ARHGAP32: variants seen among roughly 807,000 people sequenced by gnomAD.
ARHGAP32 encodes Rho GTPase activating protein 32.
In ARHGAP32, 51 loss-of-function variants were observed where a neutral mutation model predicts 186.5. That is an observed-to-expected ratio of 0.27 (90% CI 0.22 to 0.35). The LOEUF (loss-of-function observed/expected upper bound fraction) is 0.35. Among genes scored for constraint, ARHGAP32 ranks in the 10% least tolerant of loss-of-function variants. The probability of loss-of-function intolerance (pLI) is 1.00; values close to 1 mark genes in which losing one functional copy is unlikely to be tolerated. For missense variants in ARHGAP32, 2,186 were observed against 2,623.5 expected, an observed-to-expected ratio of 0.83 and a Z score of 3.64; for synonymous variants, 950 against 964.3, an observed-to-expected ratio of 0.99 and a Z score of 0.27.
At chr11:129,025,444 G>C (rs1182770880) in intron 11 of ARHGAP32, among the ~76,000 whole-genome samples, 3 of 152,118 alleles carry the variant, frequency 2.0e-5, no homozygotes, top group Non-Finnish European at 4.4e-5. Flanking sequence ...GTATGTGGCA[G>C]GAACAAAACA....
intron 2 of ARHGAP32, among the ~76,000 whole-genome samples, chr11:129,135,520 C>A (rs546276760): frequency 2.0e-5 from 3 of 152,336 alleles, no homozygotes; most frequent in East Asian, 3.9e-4. Flanking sequence ...GTAATCCCAG[C>A]ACTTTGGGAG....
Position 128,973,197 on chromosome 11 carries a change from A to G in ARHGAP32, c.3309T>C (p.Ser1103=), listed in dbSNP as rs769274993. The change falls in exon 22 of 23, where the codon TCT becomes TCC. Residue 1103 remains serine, a synonymous_variant. Transcript: ENST00000682385. ...TTEDNLSSSY[S]AVALDKAYFQ... is the part of the protein sequence containing the mutation. The stretch of plus-strand genomic sequence containing the variant: ...AATAGGCCTTATCTAGAGCAACTGC[A>G]GAGTAAGAACTGGACAGATTATCTT... The G allele has an allele frequency of 6.8e-6, 11 of 1,614,096 alleles. No individual in the cohort carries two copies. Among genetic ancestry groups the G allele is most frequent in the Non-Finnish European group, 8.5e-6 (10 of 1,180,054 alleles).
At chr11:129,279,599 C>CCG (rs1945586852), upstream of ARHGAP32, among the ~76,000 whole-genome samples, 1 of 146,422 alleles carries the variant, frequency 6.8e-6, no homozygotes. Flanking sequence ...TCCGCCTCCT[C>CCG]CTGCACCCGC....
chr11:129,191,315 C>G (rs373598416), intron 1 of ARHGAP32, among the ~76,000 whole-genome samples: 34,511 of 151,902 alleles, frequency 0.23, 4,742 homozygotes, highest in Middle Eastern at 0.35. Flanking sequence ...TATTACATCG[C>G]TAACTCTGAA....
At chr11:129,178,718 G>A (rs1338304176) in intron 1 of ARHGAP32, among the ~76,000 whole-genome samples, 1 of 152,132 alleles carries the variant, frequency 6.6e-6, no homozygotes, top group Non-Finnish European at 1.5e-5. Context: ...AGTAAATGGT[G>A]CTGGGAAAAC....
chr11:129,111,759 T>A (rs1471366466), intron 5 of ARHGAP32, among the ~76,000 whole-genome samples: 1 of 152,044 alleles, frequency 6.6e-6, no homozygotes, highest in Non-Finnish European at 1.5e-5. Flanking sequence ...TCTTTTATTT[T>A]TTCCCCCTTT....
At chr11:129,038,875 A>C (rs1939470690) in intron 11 of ARHGAP32, among the ~76,000 whole-genome samples, 3 of 148,652 alleles carry the variant, frequency 2.0e-5, no homozygotes, top group Non-Finnish European at 4.5e-5. Flanking sequence ...GTGACAAAGA[A>C]AGACCCTGTC....
At chr11:128,993,246 G>C (rs1946110097) in intron 12 of ARHGAP32, 1 of 152,110 alleles carries the variant, frequency 6.6e-6, no homozygotes, top group South Asian at 2.1e-4. Context: ...ATTTTATATG[G>C]AATGCTTCAC....
chr11:129,132,413 G>A (rs564330732), intron 2 of ARHGAP32, among the ~76,000 whole-genome samples: 38 of 152,098 alleles, frequency 2.5e-4, no homozygotes, highest in African/African-American at 9.2e-4. Context: ...CTAAGGTTAA[G>A]GCTGCAGAAA....
chr11:129,197,175 C>T (rs1003896013), upstream of ARHGAP32, among the ~76,000 whole-genome samples: 4 of 152,210 alleles, frequency 2.6e-5, no homozygotes, highest in East Asian at 1.9e-4. Context: ...TTAGCCTAGA[C>T]GTCTCTGATC....
chr11:129,203,998 AAT>A (rs1186288231), intron 1 of ARHGAP32, among the ~76,000 whole-genome samples: 4 of 148,042 alleles, frequency 2.7e-5, no homozygotes. Flanking sequence ...ATGTATGTAT[AAT>A]ATATATTTAT....
intron 1 of ARHGAP32, among the ~76,000 whole-genome samples, chr11:129,166,673 G>A (rs1943647867): frequency 6.6e-6 from 1 of 150,960 alleles, no homozygotes; most frequent in African/African-American, 2.4e-5. Context: ...TTTGAAAGCA[G>A]GTAAAACAAA....
chr11:129,158,820 C>T (rs1426967628), intron 2 of ARHGAP32, among the ~76,000 whole-genome samples: 1 of 152,180 alleles, frequency 6.6e-6, no homozygotes, highest in African/African-American at 2.4e-5. Context: ...AAGTAAAACA[C>T]TCCTCAGCAA....
chr11:129,219,348 T>G (rs1269430569), intron 1 of ARHGAP32, among the ~76,000 whole-genome samples: 1 of 152,238 alleles, frequency 6.6e-6, no homozygotes, highest in East Asian at 1.9e-4. Context: ...ATGATAAAAA[T>G]GGTTATGAAT....
intron 1 of ARHGAP32, among the ~76,000 whole-genome samples, chr11:129,188,438 G>T (rs1485606164): frequency 6.6e-6 from 1 of 152,128 alleles, no homozygotes; most frequent in Non-Finnish European, 1.5e-5. Context: ...ATCTAGATCT[G>T]ATCTGATCGC....
rs147336520 is a variant in ARHGAP32 at position 128,969,886 on chromosome 11, C to G, written c.5327G>C (p.Arg1776Pro). ...MQSIRRESRA[R>P]QKVKGPVMSQ... ...CATGACAGGCCCTTTCACCTTCTGC[C>G]GAGCACGGCTCTCTCTCCGGATGGA... Residue 1776 changes from arginine (R) to proline (P), a missense_variant, in exon 23 of 23, where the codon CGG (arginine) becomes CCG (proline). By Grantham distance (103) the Arg-to-Pro change is moderately radical (BLOSUM62 -2). Transcript: ENST00000682385. The surrounding 1 kb of genome is among the most constrained non-coding windows in gnomAD (Gnocchi z 4.8). 1 of 1,614,186 alleles carries G rather than the reference C, an allele frequency of 6.2e-7. No individual in the cohort carries two copies. The highest frequency in any genetic ancestry group is 8.5e-7 in the Non-Finnish European group (1 of 1,180,038).
intron 1 of ARHGAP32, among the ~76,000 whole-genome samples, chr11:129,266,648 T>G (rs1036222438): frequency 1.3e-5 from 2 of 152,188 alleles, no homozygotes; most frequent in African/African-American, 4.8e-5. Flanking sequence ...ACTCTAGCAA[T>G]AGGACCAAAA....
intron 11 of ARHGAP32, among the ~76,000 whole-genome samples, chr11:129,004,614 T>C (rs567796775): frequency 6.6e-6 from 1 of 152,294 alleles, no homozygotes; most frequent in Non-Finnish European, 1.5e-5. Flanking sequence ...TTTATTACCA[T>C]ATAGTGACAT....
chr11:129,231,861 T>TA (rs1428978641), intron 1 of ARHGAP32, among the ~76,000 whole-genome samples: 9 of 150,928 alleles, frequency 6.0e-5, no homozygotes, highest in African/African-American at 1.2e-4. Context: ...CCCATCTCCA[T>TA]AAAAAATACA....
Sources: gnomAD v4.1 joint callset for allele counts (sites outside exome capture counted in the v4.1 genomes callset) on GRCh38, gnomAD v4.1.1 for gene constraint, Gnocchi (gnomAD v3.1) non-coding constraint, MANE v1.5 for transcripts, NCBI Gene and HGNC (gene_info 2026-07-23, HGNC 2026-07-21) for gene names.